Variants in NELFA observed in about 807,000 individuals in gnomAD.
The protein encoded by NELFA is negative elongation factor A.
A neutral mutation model predicts 51.8 loss-of-function variants in NELFA; 35 were observed. The observed-to-expected ratio is 0.68, with a 90% CI of 0.52 to 0.90. NELFA has a LOEUF of 0.90. Ranked by LOEUF, NELFA falls within the 40% of genes least tolerant of loss-of-function variation. The pLI is 0.00. For synonymous variants in NELFA, 417 were observed against 338.4 expected (o/e 1.23, Z -2.55); for missense variants, 658 against 746.4 (o/e 0.88, Z 1.38).
In NELFA at chr4:1,982,910, AGTACCACC is replaced by A. The variant is rs1727930848; in HGVS notation, c.*401_*408del. 1 of 163,554 alleles carries A rather than the reference AGTACCACC, an allele frequency of 6.1e-6. No homozygotes were observed. Among genetic ancestry groups the A allele is most frequent in the African/African-American group, 2.4e-5 (1 of 41,534 alleles). 10.1% of individuals were successfully genotyped at this position (163,554 alleles called of 1,614,324 possible). A position where few individuals can be genotyped will look rare whatever the true frequency, so the allele number is the denominator to read the frequency against. On this transcript the variant is annotated 3_prime_UTR_variant, in exon 11 of 11. Coordinates refer to ENST00000382882, the MANE Select transcript of NELFA (RefSeq NM_005663.5). Reference sequence around the variant, plus strand: ...GGTCGGGTGTCCCTGCCGCACCCCCAGTACCACCGTGCCACCTTGGTCCCCTCAACCCT... The same window carrying A: ...GGTCGGGTGTCCCTGCCGCACCCCCAGTGCCACCTTGGTCCCCTCAACCCT...
chr4:1,991,433 G>A, intron 2 of NELFA, 111 bp downstream of exon 2: 1 of 1,108,084 alleles, frequency 9.0e-7, no homozygotes, highest in Non-Finnish European at 1.3e-6. Flanking sequence ...CTAGGGACCA[G>A]GACACACGGA....
intron 7 of NELFA, 69 bp downstream of exon 7, chr4:1,985,707 G>A (rs907274525): frequency 1.6e-6 from 2 of 1,234,370 alleles, no homozygotes; most frequent in Non-Finnish European, 2.4e-6. Context: ...GAGCACACTA[G>A]TGGCCACAAT....
intron 2 of NELFA, 24 bp downstream of exon 2, chr4:1,991,520 A>G (rs752812898): frequency 6.2e-7 from 1 of 1,609,318 alleles, no homozygotes. Context: ...TCCACCCAAC[A>G]TGAATTAAAG....
intron 1 of NELFA, among the ~76,000 whole-genome samples, chr4:2,001,389 T>C (rs1728562601): frequency 6.6e-6 from 1 of 152,192 alleles, no homozygotes; most frequent in Non-Finnish European, 1.5e-5. Flanking sequence ...ATTTTATATT[T>C]AGAAAACCCC....
chr4:1,998,254 A>G (rs1728484765), intron 1 of NELFA, among the ~76,000 whole-genome samples: 1 of 152,080 alleles, frequency 6.6e-6, no homozygotes, highest in Non-Finnish European at 1.5e-5. Context: ...AATGATCACA[A>G]TGTCTCTCCA....
Position 1,983,652 on chromosome 4 carries a change from T to C in NELFA, c.1346A>G (p.Asn449Ser). ...FAAQEMFKTA[N>S]KVTRPEKALI... is the part of the protein sequence containing the mutation. ...GGCCTTCTCGGGCCGCGTGACTTTG[T>C]TGGCCGTCTTGAACATCTCCTGGGC... The change falls in exon 10 of 11, where the codon AAC (asparagine) becomes AGC (serine). Residue 449 changes from asparagine to serine, a missense_variant. Asn to Ser is a conservative substitution (Grantham distance 46). Transcript: ENST00000382882. The C allele has an allele frequency of 6.2e-7, 1 of 1,614,108 alleles. No individual in the cohort carries two copies.
At chr4:2,008,642 G>C (rs1293403032) in intron 1 of NELFA, 108 bp downstream of exon 1, 13 of 1,331,876 alleles carry the variant, frequency 9.8e-6, no homozygotes, top group Admixed American at 2.1e-5. Flanking sequence ...GTCTGAAGGG[G>C]GATGGGAAGG....
At chr4:1,987,463 C>T (rs539336733) in intron 4 of NELFA, 165 of 160,132 alleles carry the variant, frequency 1.0e-3, no homozygotes, top group African/African-American at 3.8e-3. Context: ...CACAGCCCCA[C>T]GGGCAGCTGA....
intron 1 of NELFA, among the ~76,000 whole-genome samples, chr4:1,997,253 A>G (rs1728450671): frequency 6.6e-6 from 1 of 152,202 alleles, no homozygotes; most frequent in South Asian, 2.1e-4. Flanking sequence ...TAGTAAACAA[A>G]CTTTCCAAAG....
At chr4:2,000,241 G>A (rs1227993454) in intron 1 of NELFA, among the ~76,000 whole-genome samples, 1 of 151,976 alleles carries the variant, frequency 6.6e-6, no homozygotes, top group Non-Finnish European at 1.5e-5. Flanking sequence ...AGGCAAGAGA[G>A]CAAACTAACC....
chr4:2,005,604 ATCACCTGAGC>A (rs1377809457), intron 1 of NELFA, among the ~76,000 whole-genome samples: 5 of 152,158 alleles, frequency 3.3e-5, no homozygotes, highest in Admixed American at 3.3e-4. Flanking sequence ...AGGTAGGAGA[ATCACCTGAGC>A]TCAGGAGGAG....
intron 1 of NELFA, among the ~76,000 whole-genome samples, chr4:2,005,255 G>A (rs1176096998): frequency 6.6e-6 from 1 of 152,110 alleles, no homozygotes; most frequent in Non-Finnish European, 1.5e-5. Flanking sequence ...AGTTCTCCCT[G>A]TGTGATCGGA....
At chr4:1,990,078 G>A (rs1577617800) in intron 2 of NELFA, 2 of 600,518 alleles carry the variant, frequency 3.3e-6, no homozygotes, top group East Asian at 5.7e-5. Context: ...CTGAGAGGCG[G>A]GCATGCCTTG....
chr4:1,993,392 CCACATGGGGAAACCCTGTCT>C (rs1372708403), intron 1 of NELFA, among the ~76,000 whole-genome samples: 2 of 151,954 alleles, frequency 1.3e-5, no homozygotes, highest in Non-Finnish European at 2.9e-5. Flanking sequence ...CCAGACTGAC[CCACATGGGGAAACCCTGTCT>C]CTACTAAAAA....
intron 1 of NELFA, among the ~76,000 whole-genome samples, chr4:1,994,138 G>A (rs973654475): frequency 7.2e-5 from 11 of 152,058 alleles, no homozygotes; most frequent in Non-Finnish European, 1.2e-4. Context: ...AGTGGCTCAC[G>A]CCTGTGGTTC....
At chr4:1,985,630 C>T (rs1728063141) in intron 7 of NELFA, 146 bp downstream of exon 7, 4 of 646,054 alleles carry the variant, frequency 6.2e-6, no homozygotes, top group South Asian at 5.8e-5. Flanking sequence ...CTCTCATGTA[C>T]ATATACGTAT....
At chr4:1,983,756 C>A in intron 9 of NELFA, 61 bp from the exon 10 acceptor site, 1 of 1,600,276 alleles carries the variant, frequency 6.2e-7, no homozygotes, top group South Asian at 1.1e-5. Context: ...CTGCATCCCC[C>A]TGCAGGCACC....
chr4:1,983,971 C>T lies in NELFA; in HGVS notation c.1179G>A (p.Ser393=), dbSNP rs370501056. The change falls in exon 9 of 11, where the codon TCG becomes TCA. Residue 393 remains serine (S), a synonymous_variant. Coordinates refer to ENST00000382882, the MANE Select transcript of NELFA (RefSeq NM_005663.5). ...CCGGAGGTGTGGTGGGTGTCAGAGG[C>T]GAGGTGGGCGCCGCAGGCGTGGGTG... is the stretch of plus-strand genomic sequence containing the variant. ...PATPTPAAPT[S]PLTPTTPPAV... 9.3e-6 allele frequency: 15 copies of T among 1,610,582 alleles called. No homozygotes were observed. Among genetic ancestry groups the T allele is most frequent in the Admixed American group, 6.7e-5 (4 of 59,922 alleles).
At chr4:2,005,627 G>A (rs1728690816) in intron 1 of NELFA, among the ~76,000 whole-genome samples, 1 of 152,152 alleles carries the variant, frequency 6.6e-6, no homozygotes, top group Admixed American at 6.6e-5. Flanking sequence ...AGGAGGAGGA[G>A]GTTGCAGTGA....
Sources: gnomAD v4.1 joint callset for allele counts (sites outside exome capture counted in the v4.1 genomes callset) on GRCh38, gnomAD v4.1.1 for gene constraint, MANE v1.5 for transcripts, NCBI Gene and HGNC (gene_info 2026-07-23, HGNC 2026-07-21) for gene names.